Variants in TENM1 observed in about 807,000 individuals in gnomAD.
TENM1 encodes the protein teneurin transmembrane protein 1.
A neutral mutation model predicts 174.8 loss-of-function variants in TENM1; 35 were observed. That is an observed-to-expected ratio of 0.20 (90% CI 0.15 to 0.27). The LOEUF is 0.27. TENM1 is among the 10% of genes least tolerant of loss of function. The pLI, the probability that TENM1 is intolerant of heterozygous loss-of-function variation, is 1.00. For missense variants in TENM1, 1,633 were observed against 2,130.1 expected, an observed-to-expected ratio of 0.77 and a Z score of 4.59; for synonymous variants, 781 against 798.7, an observed-to-expected ratio of 0.98 and a Z score of 0.37.
intron 5 of TENM1, among the ~76,000 whole-genome samples, chrX:124,698,718 G>A (rs1014577667): frequency 4.5e-5 from 5 of 111,341 alleles, no homozygotes; most frequent in African/African-American, 1.3e-4. Context: ...ATCAGCTCCT[G>A]CTTACCGTCT....
chrX:124,514,681 A>G (rs754472394), intron 18 of TENM1, among the ~76,000 whole-genome samples: 1 of 111,227 alleles, frequency 9.0e-6, no homozygotes, highest in East Asian at 2.8e-4. Flanking sequence ...GGAATCAGTA[A>G]TAAATAGCCT....
intron 23 of TENM1, among the ~76,000 whole-genome samples, chrX:124,433,009 T>C (rs1017188690): frequency 1.8e-5 from 2 of 111,920 alleles, no homozygotes; most frequent in African/African-American, 3.2e-5. Context: ...ATGGAATTTA[T>C]GTGTTAGAGT....
chrX:124,382,460 C>CTGTT (rs1366336249), intron 31 of TENM1, among the ~76,000 whole-genome samples: 1 of 111,278 alleles, frequency 9.0e-6, no homozygotes, highest in Non-Finnish European at 1.9e-5. Flanking sequence ...ATCAAGTAAC[C>CTGTT]TGTTAATCTT....
intron 3 of TENM1, among the ~76,000 whole-genome samples, chrX:124,810,962 C>T (rs2055756833): frequency 9.0e-6 from 1 of 111,336 alleles, no homozygotes; most frequent in African/African-American, 3.3e-5. Flanking sequence ...ACAATCTCTT[C>T]AATAAAGTTG....
chrX:124,951,259 C>T (rs1441364408), intron 1 of TENM1, among the ~76,000 whole-genome samples: 2 of 111,242 alleles, frequency 1.8e-5, no homozygotes, highest in Non-Finnish European at 3.8e-5. Flanking sequence ...AGACAAATAT[C>T]AAAAATACAA....
chrX:124,560,221 G>C (rs188965993), intron 14 of TENM1, among the ~76,000 whole-genome samples: 8 of 106,762 alleles, frequency 7.5e-5, no homozygotes, highest in Non-Finnish European at 1.3e-4. Context: ...GTGTGTGTGT[G>C]TGTGTGTGTG....
intron 11 of TENM1, among the ~76,000 whole-genome samples, chrX:124,584,836 A>C (rs371304017): frequency 9.0e-6 from 1 of 110,635 alleles, no homozygotes; most frequent in African/African-American, 3.3e-5. Context: ...AAAGGATGGA[A>C]GAAGATCTAC....
intron 3 of TENM1, among the ~76,000 whole-genome samples, chrX:124,811,779 A>G: frequency 9.0e-6 from 1 of 111,622 alleles, no homozygotes; most frequent in Non-Finnish European, 1.9e-5. Flanking sequence ...GTACACTAAC[A>G]GATGAATTGA....
At chrX:125,066,282 A>G in the TENM1 span, among the ~76,000 whole-genome samples, 1 of 111,830 alleles carries the variant, frequency 8.9e-6, no homozygotes, top group South Asian at 3.8e-4. Flanking sequence ...TCTGAAATGC[A>G]GATGGTCTGG....
intron 5 of TENM1, among the ~76,000 whole-genome samples, chrX:124,689,502 C>T (rs1018652400): frequency 9.0e-6 from 1 of 111,473 alleles, no homozygotes; most frequent in African/African-American, 3.3e-5. Context: ...TGCAATAAAG[C>T]AGTATATAAT....
the TENM1 span, among the ~76,000 whole-genome samples, chrX:125,161,022 C>T: frequency 5.6e-5 from 5 of 89,023 alleles, no homozygotes; most frequent in African/African-American, 1.3e-4. Flanking sequence ...TTTGGCCTTT[C>T]GACAATGGCC....
intron 23 of TENM1, among the ~76,000 whole-genome samples, chrX:124,438,151 C>T (rs745513338): frequency 1.1e-4 from 12 of 111,501 alleles, no homozygotes; most frequent in Non-Finnish European, 2.3e-4. Context: ...ACTTCTAGAA[C>T]TCCTGGCATC....
intron 3 of TENM1, among the ~76,000 whole-genome samples, chrX:124,753,014 A>G (rs1198535004): frequency 1.8e-5 from 2 of 110,899 alleles, no homozygotes; most frequent in African/African-American, 6.6e-5. Context: ...GTTTTTTCCA[A>G]TTGTGTGAAG....
chrX:124,536,725 A>T (rs890302114), intron 15 of TENM1, among the ~76,000 whole-genome samples: 1 of 112,009 alleles, frequency 8.9e-6, no homozygotes, highest in East Asian at 2.8e-4. Flanking sequence ...ATTTAGACAC[A>T]TGATTATTTT....
chrX:125,161,858 G>A, the TENM1 span, among the ~76,000 whole-genome samples: 3 of 111,909 alleles, frequency 2.7e-5, no homozygotes, highest in Non-Finnish European at 5.6e-5. Flanking sequence ...CCAGACCCAG[G>A]TCCCAGCTAA....
intron 23 of TENM1, among the ~76,000 whole-genome samples, chrX:124,445,398 C>G (rs1432756628): frequency 1.8e-5 from 2 of 111,787 alleles, no homozygotes; most frequent in African/African-American, 6.5e-5. Context: ...GGAGAGGAGT[C>G]AAGCATCAAA....
chrX:124,626,009 T>C (rs181990826), intron 11 of TENM1, among the ~76,000 whole-genome samples: 3 of 111,233 alleles, frequency 2.7e-5, no homozygotes, highest in African/African-American at 6.5e-5. Context: ...TTGTATACCA[T>C]AAATATATAC....
At chrX:124,761,254 G>A (rs942859892) in intron 3 of TENM1, among the ~76,000 whole-genome samples, 2 of 110,235 alleles carry the variant, frequency 1.8e-5, no homozygotes, top group African/African-American at 3.3e-5. Flanking sequence ...GTATGTTCAC[G>A]GCGGCACTAT....
chrX:124,589,370 G>A (rs75944212), intron 11 of TENM1, among the ~76,000 whole-genome samples: 1 of 85,209 alleles, frequency 1.2e-5, no homozygotes, highest in Admixed American at 1.3e-4. Flanking sequence ...TGTTGTTGTT[G>A]TTGTTGTTGT....
Sources: allele counts gnomAD v4.1 joint callset (sites outside exome capture counted in the v4.1 genomes callset), GRCh38; gene constraint gnomAD v4.1.1; transcripts MANE v1.5; gene names NCBI Gene and HGNC (gene_info 2026-07-23, HGNC 2026-07-21).